BAIAP2L1: variants seen among roughly 807,000 people sequenced by gnomAD.
BAIAP2L1 encodes the protein BAR/IMD domain containing adaptor protein 2 like 1.
BAIAP2L1 carries 35 observed loss-of-function variants against 66.3 expected under a neutral mutation model. The ratio of observed to expected loss-of-function variants is 0.53; its 90% CI spans 0.40 to 0.70. The LOEUF (loss-of-function observed/expected upper bound fraction) is 0.70, where lower values mean the gene tolerates loss of function less well. BAIAP2L1 is among the 30% of genes least tolerant of loss of function. The probability of loss-of-function intolerance (pLI) is 0.00; values close to 1 mark genes in which losing one functional copy is unlikely to be tolerated. For missense variants in BAIAP2L1, 622 were observed against 656.9 expected, an observed-to-expected ratio of 0.95 and a Z score of 0.58; for synonymous variants, 269 against 248.7, an observed-to-expected ratio of 1.08 and a Z score of -0.77.
chr7:98,336,389 G>A (rs1801617759), intron 3 of BAIAP2L1, among the ~76,000 whole-genome samples: 1 of 152,160 alleles, frequency 6.6e-6, no homozygotes. Context: ...CGAGACAGGC[G>A]AATCACTTGA....
rs182448160 is a variant in BAIAP2L1, at chr7:98,385,262, T to C, written c.51+15540A>G. On this transcript the variant is annotated intron_variant, in intron 1 of 13. Transcript: ENST00000005260. ...GGCGGAGGCTGCAGTGAGCCAAGAC[T>C]GTGCCAACTGCACTCCAGCCTGGGT... Among the ~76,000 whole-genome samples the C allele has an allele frequency of 5.3e-3, 810 of 151,468 alleles. 5 individuals are homozygous for C. The highest frequency in any genetic ancestry group is 0.017 in the Middle Eastern group (5 of 294).
chr7:98,367,027 G>A (rs1238909507), intron 1 of BAIAP2L1, among the ~76,000 whole-genome samples: 3 of 151,780 alleles, frequency 2.0e-5, no homozygotes, highest in Non-Finnish European at 2.9e-5. Context: ...GAGTAGCTGG[G>A]AGGTGTGTGC....
At chr7:98,325,263 G>A (rs1801353438) in intron 3 of BAIAP2L1, among the ~76,000 whole-genome samples, 1 of 152,032 alleles carries the variant, frequency 6.6e-6, no homozygotes, top group Admixed American at 6.6e-5. Flanking sequence ...GGTGCCTGTA[G>A]TCCCACCTAC....
chr7:98,374,448 T>C (rs1802575764), intron 1 of BAIAP2L1, among the ~76,000 whole-genome samples: 1 of 152,100 alleles, frequency 6.6e-6, no homozygotes, highest in Non-Finnish European at 1.5e-5. Flanking sequence ...CTGCTGAAGG[T>C]CCTACCAGCA....
At chr7:98,361,661 C>T (rs915524637) in intron 2 of BAIAP2L1, among the ~76,000 whole-genome samples, 2 of 152,076 alleles carry the variant, frequency 1.3e-5, no homozygotes, top group African/African-American at 4.8e-5. Context: ...TTAAATGAAG[C>T]ATATATTTTG....
chr7:98,331,967 C>T (rs1801503738), intron 3 of BAIAP2L1, among the ~76,000 whole-genome samples: 1 of 152,130 alleles, frequency 6.6e-6, no homozygotes, highest in Non-Finnish European at 1.5e-5. Context: ...GAGATAAAGA[C>T]ATTCTCAGAC....
In BAIAP2L1 at chr7:98,353,318, C is replaced by T. The variant is rs181527640; in HGVS notation, c.214+1724G>A. Among the ~76,000 whole-genome samples, 132 of 138,614 alleles carry T rather than the reference C, an allele frequency of 9.5e-4. 1 individual carries two copies. The highest frequency in any genetic ancestry group is 3.4e-3 in the African/African-American group (126 of 36,966). The allele number at this position is 138,614 out of a possible 152,430, so 90.9% of individuals were successfully genotyped here. A position where few individuals can be genotyped will look rare whatever the true frequency, so the allele number is the denominator to read the frequency against. ...AACCTGGCCAACACAGAGAGACCCC[C>T]TAAAATATATATAAATATATAAATA... On this transcript the variant is annotated intron_variant, in intron 3 of 13. Coordinates refer to ENST00000005260, the MANE Select transcript of BAIAP2L1 (RefSeq NM_018842.5).
At chr7:98,349,712 CAA>C (rs529602696) in intron 3 of BAIAP2L1, among the ~76,000 whole-genome samples, 3 of 140,874 alleles carry the variant, frequency 2.1e-5, no homozygotes, top group African/African-American at 5.2e-5. Context: ...ATCTCTACTA[CAA>C]AAAAAAAAAA....
Position 98,310,663 on chromosome 7 carries a change from G to GTTTT in BAIAP2L1, c.808-75_808-72dup, listed in dbSNP as rs1278404391. ...CGGAATTACACAGATTCCCAAGGCT[G>GTTTT]TTTTTTTTTTTTAAATAATAGGCTA... is the stretch of plus-strand genomic sequence containing the variant. On this transcript the variant is annotated intron_variant, in intron 8 of 13. Transcript: ENST00000005260. The GTTTT allele has an allele frequency of 2.6e-5, 24 of 937,412 alleles. No individual in the cohort carries two copies. In the African/African-American group the frequency reaches 3.4e-4, roughly 13 times the overall value. 58.1% of individuals were successfully genotyped at this position (937,412 alleles called of 1,614,324 possible). A position where few individuals can be genotyped will look rare whatever the true frequency, so the allele number is the denominator to read the frequency against.
rs1803358181 is a variant in BAIAP2L1, at chr7:98,401,008, G to A, written c.-156C>T. 1 of 556,346 alleles carries A rather than the reference G, an allele frequency of 1.8e-6. No individual in the cohort carries two copies. The highest frequency in any genetic ancestry group is 2.7e-6 in the Non-Finnish European group (1 of 365,920). 34.5% of individuals were successfully genotyped at this position (556,346 alleles called of 1,614,324 possible). A position where few individuals can be genotyped will look rare whatever the true frequency, so the allele number is the denominator to read the frequency against. On this transcript the variant is annotated 5_prime_UTR_variant, in exon 1 of 14. Transcript: ENST00000005260. ...CCCGAGAGTGCCCGCGCGCGTCTCC[G>A]CTGCGAAAATGTCAAAACTTGCGGC...
chr7:98,354,289 G>A (rs1802070837), intron 3 of BAIAP2L1, among the ~76,000 whole-genome samples: 1 of 151,874 alleles, frequency 6.6e-6, no homozygotes, highest in Non-Finnish European at 1.5e-5. Flanking sequence ...TTCCCTTGGT[G>A]ATGCCCCCAC....
intron 1 of BAIAP2L1, among the ~76,000 whole-genome samples, chr7:98,389,805 A>G (rs1802983860): frequency 6.6e-6 from 1 of 151,908 alleles, no homozygotes; most frequent in South Asian, 2.1e-4. Context: ...TATAGAAATG[A>G]CCCCTGAAAG....
In BAIAP2L1 at chr7:98,315,288, G is replaced by GT. The variant is rs1020662454; in HGVS notation, c.639+171dup. On this transcript the variant is annotated intron_variant, in intron 7 of 13. Coordinates refer to ENST00000005260, the MANE Select transcript of BAIAP2L1 (RefSeq NM_018842.5). ...AGGCACATGCTACCATGCCTGGCTAGTTTTTTTTTTATTATTTTTTATAGA... is the reference window on the plus strand; with the variant it reads ...AGGCACATGCTACCATGCCTGGCTAGTTTTTTTTTTTATTATTTTTTATAGA... Among the ~76,000 whole-genome samples the GT allele has an allele frequency of 2.5e-3, 376 of 149,668 alleles. 3 individuals carry two copies. The highest frequency in any genetic ancestry group is 7.7e-3 in the African/African-American group (313 of 40,870).
chr7:98,325,336 C>T (rs1261819598), intron 3 of BAIAP2L1, among the ~76,000 whole-genome samples: 13 of 151,420 alleles, frequency 8.6e-5, no homozygotes, highest in Non-Finnish European at 1.6e-4. Flanking sequence ...CCACTGCACT[C>T]CAGCCTGGGC....
At chr7:98,320,672 C>G (rs897504349) in intron 3 of BAIAP2L1, among the ~76,000 whole-genome samples, 2 of 152,000 alleles carry the variant, frequency 1.3e-5, no homozygotes, top group African/African-American at 2.4e-5. Context: ...AAAAGTGAAA[C>G]AGAACAGGGA....
chr7:98,319,045 G>C (rs1277384679), intron 5 of BAIAP2L1, among the ~76,000 whole-genome samples: 2 of 152,042 alleles, frequency 1.3e-5, no homozygotes, highest in Non-Finnish European at 2.9e-5. Flanking sequence ...ATGCACCTTA[G>C]CAGCTGTCCG....
chr7:98,331,636 T>C (rs1016563720), intron 3 of BAIAP2L1, among the ~76,000 whole-genome samples: 4 of 151,922 alleles, frequency 2.6e-5, no homozygotes, highest in Admixed American at 2.6e-4. Flanking sequence ...ACCCAGCTAA[T>C]TTCGTATTTT....
intron 1 of BAIAP2L1, among the ~76,000 whole-genome samples, chr7:98,378,011 C>A (rs979875870): frequency 6.6e-6 from 1 of 151,670 alleles, no homozygotes; most frequent in Admixed American, 6.6e-5. Context: ...GTGGCGCATG[C>A]CTGTAGTTCC....
At chr7:98,340,501 A>G (rs1290542931) in intron 3 of BAIAP2L1, among the ~76,000 whole-genome samples, 1 of 151,994 alleles carries the variant, frequency 6.6e-6, no homozygotes, top group Non-Finnish European at 1.5e-5. Flanking sequence ...GTTAGCCAGG[A>G]TGGTCTCGAT....
Sources: allele counts gnomAD v4.1 joint callset (sites outside exome capture counted in the v4.1 genomes callset), GRCh38; gene constraint gnomAD v4.1.1; transcripts MANE v1.5; gene names NCBI Gene and HGNC (gene_info 2026-07-23, HGNC 2026-07-21).